The following PTPRN variants were observed in gnomAD, a reference collection of about 807,000 sequenced individuals.
PTPRN encodes the protein protein tyrosine phosphatase receptor type N.
A neutral mutation model predicts 108.5 loss-of-function variants in PTPRN; 70 were observed. The ratio of observed to expected loss-of-function variants is 0.65; its 90% CI spans 0.53 to 0.79. The LOEUF (loss-of-function observed/expected upper bound fraction) is 0.79, where lower values mean the gene tolerates loss of function less well. Ranked by LOEUF, PTPRN falls within the 30% of genes least tolerant of loss-of-function variation. The pLI is 0.00. For synonymous variants in PTPRN, 496 were observed against 524.6 expected, an observed-to-expected ratio of 0.95 and a Z score of 0.75; for missense variants, 1,136 against 1,295.5, an observed-to-expected ratio of 0.88 and a Z score of 1.89.
intron 12 of PTPRN, 121 bp from the exon 13 acceptor site, chr2:219,298,224 T>C: frequency 3.1e-6 from 3 of 959,658 alleles, no homozygotes; most frequent in Non-Finnish European, 3.1e-6. Flanking sequence ...AGCTGGGAGA[T>C]TAGGGGTATG....
chr2:219,296,074 A>ATAT lies in PTPRN; in HGVS notation c.2508+149_2508+151dup. 1 of 1,087,594 alleles carries ATAT rather than the reference A, an allele frequency of 9.2e-7. No individual in the cohort carries two copies. Among genetic ancestry groups the ATAT allele is most frequent in the Non-Finnish European group, 1.3e-6 (1 of 745,668 alleles). 67.4% of individuals were successfully genotyped at this position (1,087,594 alleles called of 1,614,324 possible). ...TATGGGTATGCATATATGTGTTTAT[A>ATAT]TATATTCATATATGTATGAATCATG... On this transcript the variant is annotated intron_variant, in intron 18 of 22. Coordinates refer to ENST00000295718, the MANE Select transcript of PTPRN (RefSeq NM_002846.4). The surrounding 1 kb of genome is among the most constrained non-coding windows in gnomAD (Gnocchi z 6.0).
chr2:219,296,002 A>ACG lies in PTPRN; in HGVS notation c.2508+223_2508+224insCG. Reference sequence around the variant, plus strand: ...CACACACACACACACACACACACACACATGTATGTTCTGTAAACAGGACAC... The same window carrying ACG: ...CACACACACACACACACACACACACACGCATGTATGTTCTGTAAACAGGACAC... On this transcript the variant is annotated intron_variant, in intron 18 of 22. Coordinates refer to ENST00000295718, the MANE Select transcript of PTPRN (RefSeq NM_002846.4). This position sits in a 1 kb window ranked among gnomAD's most constrained non-coding sequence, Gnocchi z 6.0. 1 of 586,984 alleles carries ACG rather than the reference A, an allele frequency of 1.7e-6. No individual in the cohort carries two copies. 36.4% of individuals were successfully genotyped at this position (586,984 alleles called of 1,614,324 possible).
chr2:219,299,611 C>T, intron 10 of PTPRN, 89 bp downstream of exon 10: 1 of 1,335,804 alleles, frequency 7.5e-7, no homozygotes, highest in Non-Finnish European at 1.0e-6. Flanking sequence ...AGCTTGTCTG[C>T]TCTTCCTCCC....
chr2:219,296,289 A>G lies in PTPRN; in HGVS notation c.2445T>C (p.Asp815=). ...VIVMLTPLVE[D]GVKQCDRYWP... ...AGTAGCGGTCACACTGCTTGACACC[A>G]TCCTCCACCAGCGGGGTCAGCATGA... Residue 815 remains aspartate (D), a synonymous_variant, in exon 18 of 23, where the codon GAT becomes GAC. Coordinates refer to ENST00000295718, the MANE Select transcript of PTPRN (RefSeq NM_002846.4). The surrounding 1 kb of genome is among the most constrained non-coding windows in gnomAD (Gnocchi z 6.0). 2 of 1,614,006 alleles carry G rather than the reference A, an allele frequency of 1.2e-6. No homozygotes were observed. The highest frequency in any genetic ancestry group is 1.7e-6 in the Non-Finnish European group (2 of 1,180,004).
chr2:219,301,232 A>C (rs2292607), intron 7 of PTPRN, among the ~76,000 whole-genome samples: 2,168 of 152,256 alleles, frequency 0.014, 16 homozygotes, highest in Non-Finnish European at 0.019. Context: ...TTCTTTGTTC[A>C]GTTATTTCTC....
rs1034017223 is a variant in PTPRN, at chr2:219,296,655, G to A, written c.2310+94C>T. On this transcript the variant is annotated intron_variant, in intron 16 of 22. Transcript: ENST00000295718. The surrounding 1 kb of genome is among the most constrained non-coding windows in gnomAD (Gnocchi z 6.0). ...ATATCAGGCCCCACCACTCCAGGGGGTTGGTGGGGTGGCAGGTGACCACGG... is the reference window on the plus strand; with the variant it reads ...ATATCAGGCCCCACCACTCCAGGGGATTGGTGGGGTGGCAGGTGACCACGG... 1.9e-6 allele frequency: 3 copies of A among 1,547,170 alleles called. No individual in the cohort carries two copies. Among genetic ancestry groups the A allele is most frequent in the Admixed American group, 1.8e-5 (1 of 56,518 alleles).
At position 219,290,486 on chromosome 2, in the gene PTPRN, T is replaced by A; in HGVS notation, c.2868+52A>T. 1.7e-5 allele frequency: 26 copies of A among 1,497,048 alleles called. 2 individuals are homozygous for A. The South Asian group carries it at 3.1e-4, about 18-fold the overall frequency. 92.7% of individuals were successfully genotyped at this position (1,497,048 alleles called of 1,614,324 possible). On this transcript the variant is annotated intron_variant, in intron 22 of 22. Transcript: ENST00000295718. This position sits in a 1 kb window ranked among gnomAD's most constrained non-coding sequence, Gnocchi z 4.2. ...TGCTTTCCCTGGGGTGGCCAAGAAG[T>A]GGGTGCTAGGGAAGGGTGGGAGCTG...
intron 4 of PTPRN, among the ~76,000 whole-genome samples, chr2:219,303,533 C>T (rs543004617): frequency 1.6e-4 from 25 of 152,280 alleles, no homozygotes; most frequent in African/African-American, 4.6e-4. Context: ...AAAAAATGCC[C>T]GTTTTTCTGG....
At position 219,290,523 on chromosome 2, in the gene PTPRN, GGAA is replaced by G; in HGVS notation, c.2868+12_2868+14del. ...AAGGGTGGGAGCTGGGGTTGGGGCA[GGAA>G]GGCATGGTCACCTTAGAGCGGACAA... On this transcript the variant is annotated intron_variant, in intron 22 of 22. Coordinates refer to ENST00000295718, the MANE Select transcript of PTPRN (RefSeq NM_002846.4). This position sits in a 1 kb window ranked among gnomAD's most constrained non-coding sequence, Gnocchi z 4.2. 1 of 1,550,434 alleles carries G rather than the reference GGAA, an allele frequency of 6.4e-7. No homozygotes were observed. Among genetic ancestry groups the G allele is most frequent in the Non-Finnish European group, 8.7e-7 (1 of 1,145,974 alleles).
intron 1 of PTPRN, chr2:219,308,741 A>G: frequency 9.8e-7 from 1 of 1,020,096 alleles, no homozygotes. Context: ...CAGCTTCTCT[A>G]GGCTTACGGA....
intron 1 of PTPRN, 118 bp downstream of exon 1, chr2:219,309,100 C>G (rs775795518): frequency 1.3e-6 from 2 of 1,506,232 alleles, no homozygotes; most frequent in Non-Finnish European, 1.8e-6. Flanking sequence ...CATGCCTCCC[C>G]CAACCCATAT....
At chr2:219,301,042 G>C in intron 7 of PTPRN, 65 bp from the exon 8 acceptor site, 1 of 1,501,004 alleles carries the variant, frequency 6.7e-7, no homozygotes. Flanking sequence ...CAACACAAGT[G>C]GGAGAAAGGG....
At position 219,296,270 on chromosome 2, in the gene PTPRN, G is replaced by T; in HGVS notation, c.2464C>A (p.Arg822Ser). The change falls in exon 18 of 23, where the codon CGC (arginine) becomes AGC (serine). Residue 822 changes from arginine to serine, a missense_variant. Transcript: ENST00000295718. The surrounding 1 kb of genome is among the most constrained non-coding windows in gnomAD (Gnocchi z 6.0). ...GAGGCACCCTCATCTGGCCAGTAGC[G>T]GTCACACTGCTTGACACCATCCTCC... ...LVEDGVKQCD[R>S]YWPDEGASLY... 1 of 1,614,062 alleles carries T rather than the reference G, an allele frequency of 6.2e-7. No homozygotes were observed. The highest frequency in any genetic ancestry group is 8.5e-7 in the Non-Finnish European group (1 of 1,180,024).
chr2:219,301,311 C>A lies in PTPRN; in HGVS notation c.1126+277G>T, dbSNP rs1478604485. ...TTTTTAGGCCCTCATTGTCACCAAC[C>A]CATCCTTCCCGATGCCTCCTTTTCC... On this transcript the variant is annotated intron_variant, in intron 7 of 22. Transcript: ENST00000295718. 2.1e-5 allele frequency among the ~76,000 whole-genome samples: 3 copies of A among 144,752 alleles called. 1 individual carries two copies. The highest frequency in any genetic ancestry group is 8.3e-5 in the African/African-American group (3 of 36,080). The allele number at this position is 144,752 out of a possible 152,430, so 95.0% of individuals were successfully genotyped here.
In PTPRN at chr2:219,296,485, A is replaced by G. The variant is rs999489618; in HGVS notation, c.2342T>C (p.Ile781Thr). Residue 781 changes from isoleucine (I) to threonine (T), a missense_variant, in exon 17 of 23, where the codon ATA (isoleucine) becomes ACA (threonine). Coordinates refer to ENST00000295718, the MANE Select transcript of PTPRN (RefSeq NM_002846.4). This position sits in a 1 kb window ranked among gnomAD's most constrained non-coding sequence, Gnocchi z 6.0. The stretch of plus-strand genomic sequence containing the variant: ...ATGGGACAGCGGGCCCTGCGTGGCT[A>G]TGTAGGCTGGCATCCGAGGGTCATG... Reference protein sequence around the residue: ...IEHDPRMPAYIATQGPLSHTI... With the variant: ...IEHDPRMPAYTATQGPLSHTI... The G allele has an allele frequency of 1.1e-5, 17 of 1,614,008 alleles. No homozygotes were observed. Among genetic ancestry groups the G allele is most frequent in the Non-Finnish European group, 1.4e-5 (16 of 1,180,024 alleles).
intron 3 of PTPRN, among the ~76,000 whole-genome samples, chr2:219,305,333 C>T (rs2125097736): frequency 6.6e-6 from 1 of 151,970 alleles, no homozygotes; most frequent in South Asian, 2.1e-4. Flanking sequence ...ACCTCTGCCT[C>T]TCAGGTTCAA....
At chr2:219,294,133 T>C in intron 19 of PTPRN, 1 of 531,786 alleles carries the variant, frequency 1.9e-6, no homozygotes. Context: ...AATGATCACT[T>C]TTGTGACTAT....
At chr2:219,301,050 G>A (rs1952332506) in intron 7 of PTPRN, 73 bp from the exon 8 acceptor site, 4 of 1,455,134 alleles carry the variant, frequency 2.7e-6, no homozygotes. Flanking sequence ...GTGGGAGAAA[G>A]GGCCAGAGAC....
chr2:219,300,619 A>G (rs1345369380), intron 8 of PTPRN, among the ~76,000 whole-genome samples: 1 of 152,230 alleles, frequency 6.6e-6, no homozygotes, highest in East Asian at 1.9e-4. Flanking sequence ...TGAAACAGAA[A>G]GAAGCAGAGC....
Sources: gnomAD v4.1 joint callset for allele counts (sites outside exome capture counted in the v4.1 genomes callset) on GRCh38, gnomAD v4.1.1 for gene constraint, Gnocchi (gnomAD v3.1) non-coding constraint, MANE v1.5 for transcripts, NCBI Gene and HGNC (gene_info 2026-07-23, HGNC 2026-07-21) for gene names.